Variants in CYP3A7 observed in about 807,000 individuals in gnomAD.
The protein encoded by CYP3A7 is cytochrome P450 3A7.
In CYP3A7, 45 loss-of-function variants were observed where a neutral mutation model predicts 55.2. The observed-to-expected ratio is 0.82, with a 90% CI of 0.64 to 1.05. The LOEUF (loss-of-function observed/expected upper bound fraction) is 1.05. Among genes scored for constraint, CYP3A7 ranks in the 50% least tolerant of loss-of-function variants. CYP3A7 has a pLI of 0.00. For synonymous variants in CYP3A7, 180 were observed against 207.4 expected (o/e 0.87, Z 1.13); for missense variants, 548 against 605.3 (o/e 0.91, Z 0.99).
chr7:99,725,249 C>T (rs753162854), intron 2 of CYP3A7, among the ~76,000 whole-genome samples: 5 of 152,168 alleles, frequency 3.3e-5, no homozygotes, highest in Non-Finnish European at 4.4e-5. Flanking sequence ...GCCAGAAGGC[C>T]GCCTTATCCT....
chr7:99,705,432 T>C lies in CYP3A7; in HGVS notation c.*68A>G. On this transcript the variant is annotated 3_prime_UTR_variant, in exon 13 of 13. Coordinates refer to ENST00000336374, the MANE Select transcript of CYP3A7 (RefSeq NM_000765.5). Reference sequence around the variant, plus strand: ...TCATTTCAGGGTTCTATTTGTAAAGTAATTTGAGGTCTCTGGTGTTCTGGG... The same window carrying C: ...TCATTTCAGGGTTCTATTTGTAAAGCAATTTGAGGTCTCTGGTGTTCTGGG... 1.3e-6 allele frequency: 2 copies of C among 1,541,100 alleles called. No individual in the cohort carries two copies. The highest frequency in any genetic ancestry group is 1.8e-6 in the Non-Finnish European group (2 of 1,116,234).
chr7:99,720,411 T>C lies in CYP3A7; in HGVS notation c.220A>G (p.Ile74Val), dbSNP rs770776041. The change falls in exon 4 of 13, where the codon ATT becomes GTT. Residue 74 changes from isoleucine to valine, a missense_variant and splice_region_variant. By Grantham distance (29) the Ile-to-Val change is conservative (BLOSUM62 3). Coordinates refer to ENST00000336374, the MANE Select transcript of CYP3A7 (RefSeq NM_000765.5). ...CYKKYRKVWG[I>V]YDCQQPMLAI... Reference sequence around the variant, plus strand: ...AGCATAGGCTGTTGACAGTCATAAATACTGTGTGGAGAAAACAGAGTTGAT... The same window carrying C: ...AGCATAGGCTGTTGACAGTCATAAACACTGTGTGGAGAAAACAGAGTTGAT... 6.2e-7 allele frequency: 1 copy of C among 1,613,558 alleles called. No homozygotes were observed. Among genetic ancestry groups the C allele is most frequent in the African/African-American group, 1.3e-5 (1 of 75,022 alleles).
In CYP3A7 at chr7:99,707,989, G is replaced by A; in HGVS notation, c.1254-15C>T. 1.2e-6 allele frequency: 2 copies of A among 1,613,574 alleles called. No individual in the cohort carries two copies. The highest frequency in any genetic ancestry group is 1.7e-6 in the Non-Finnish European group (2 of 1,179,680). On this transcript the variant is annotated splice_polypyrimidine_tract_variant and intron_variant, in intron 11 of 12. Coordinates refer to ENST00000336374, the MANE Select transcript of CYP3A7 (RefSeq NM_000765.5). Reference sequence around the variant, plus strand: ...TTTTACTGAACCTGGTTCCATATTGGTAGATATTTTAAAAGTTAAAGACAT... The same window carrying A: ...TTTTACTGAACCTGGTTCCATATTGATAGATATTTTAAAAGTTAAAGACAT...
intron 2 of CYP3A7, among the ~76,000 whole-genome samples, chr7:99,729,349 A>G (rs1158028370): frequency 6.6e-6 from 1 of 152,138 alleles, no homozygotes; most frequent in Non-Finnish European, 1.5e-5. Context: ...ACTCATTATA[A>G]AATTTTCTTT....
At chr7:99,717,711 A>G (rs544665600) in intron 4 of CYP3A7, 72 bp from the exon 5 acceptor site, 44 of 1,553,158 alleles carry the variant, frequency 2.8e-5, no homozygotes, top group Middle Eastern at 3.4e-4. Context: ...AAAATGTGTT[A>G]AACAGGCATC....
chr7:99,734,037 T>C (rs1433977592), intron 1 of CYP3A7, among the ~76,000 whole-genome samples: 1 of 152,200 alleles, frequency 6.6e-6, no homozygotes. Flanking sequence ...CCCTCTTTTA[T>C]CACTCAGAAG....
chr7:99,713,600 G>A, intron 8 of CYP3A7, 65 bp from the exon 9 acceptor site: 1 of 1,608,920 alleles, frequency 6.2e-7, no homozygotes. Context: ...TTAATCAGAA[G>A]TGCAGTCCTC....
At chr7:99,725,314 A>C (rs1814368461) in intron 2 of CYP3A7, among the ~76,000 whole-genome samples, 1 of 152,136 alleles carries the variant, frequency 6.6e-6, no homozygotes. Context: ...ATCTCCAAAA[A>C]TTGGATTCCA....
intron 3 of CYP3A7, chr7:99,720,697 A>T (rs1814165092): frequency 2.8e-6 from 1 of 359,142 alleles, no homozygotes; most frequent in Non-Finnish European, 5.2e-6. Flanking sequence ...ACAGGAGAGC[A>T]TTTGTTAAGC....
At chr7:99,705,834 G>A (rs1813500680) in intron 12 of CYP3A7, among the ~76,000 whole-genome samples, 1 of 152,102 alleles carries the variant, frequency 6.6e-6, no homozygotes, top group Admixed American at 6.5e-5. Context: ...TTCTGTGTGA[G>A]GTTTGACCTG....
At chr7:99,711,287 C>T (rs1813739356) in intron 9 of CYP3A7, among the ~76,000 whole-genome samples, 1 of 152,142 alleles carries the variant, frequency 6.6e-6, no homozygotes, top group Non-Finnish European at 1.5e-5. Flanking sequence ...AAATGTAATT[C>T]ATTTTAGCTA....
chr7:99,717,361 G>T, intron 5 of CYP3A7, 96 bp from the exon 6 acceptor site: 2 of 1,604,418 alleles, frequency 1.2e-6, no homozygotes, highest in Admixed American at 1.7e-5. Context: ...AAGTGACATT[G>T]TATAATGAAT....
At chr7:99,720,043 C>T (rs953950491) in intron 4 of CYP3A7, among the ~76,000 whole-genome samples, 1 of 151,954 alleles carries the variant, frequency 6.6e-6, no homozygotes, top group Non-Finnish European at 1.5e-5. Context: ...AAAAAACTAC[C>T]CACACAAATG....
intron 9 of CYP3A7, 31 bp downstream of exon 9, chr7:99,713,438 C>G: frequency 6.2e-7 from 1 of 1,612,748 alleles, no homozygotes; most frequent in Non-Finnish European, 8.5e-7. Context: ...GAGTGCCCCA[C>G]CAGTAGCCCT....
At chr7:99,722,167 C>T in intron 3 of CYP3A7, 129 bp downstream of exon 3, 6 of 1,147,202 alleles carry the variant, frequency 5.2e-6, no homozygotes, top group South Asian at 4.0e-5. Context: ...TTCAGAAAAC[C>T]TCTCTGTTTG....
chr7:99,730,287 C>A (rs2151533809), intron 2 of CYP3A7, among the ~76,000 whole-genome samples: 1 of 152,262 alleles, frequency 6.6e-6, no homozygotes, highest in African/African-American at 2.4e-5. Flanking sequence ...TGTGATTCTG[C>A]CTTTGTGTAA....
At chr7:99,722,265 T>C (rs1377426375) in intron 3 of CYP3A7, 31 bp downstream of exon 3, 1 of 1,613,294 alleles carries the variant, frequency 6.2e-7, no homozygotes, top group Admixed American at 1.7e-5. Flanking sequence ...TAGAAACAAG[T>C]CTATCCAATG....
At chr7:99,730,908 A>T in intron 2 of CYP3A7, 151 bp downstream of exon 2, 4 of 1,024,032 alleles carry the variant, frequency 3.9e-6, no homozygotes, top group Non-Finnish European at 4.2e-6. Context: ...GCCCCAGGGT[A>T]AACTTTGCCA....
In CYP3A7 at chr7:99,705,441, G is replaced by T. The variant is rs1563016783; in HGVS notation, c.*59C>A. Reference sequence around the variant, plus strand: ...GGTTCTATTTGTAAAGTAATTTGAGGTCTCTGGTGTTCTGGGGCACAGCTT... The same window carrying T: ...GGTTCTATTTGTAAAGTAATTTGAGTTCTCTGGTGTTCTGGGGCACAGCTT... On this transcript the variant is annotated 3_prime_UTR_variant, in exon 13 of 13. Coordinates refer to ENST00000336374, the MANE Select transcript of CYP3A7 (RefSeq NM_000765.5). 6.4e-7 allele frequency: 1 copy of T among 1,563,814 alleles called. No homozygotes were observed. The highest frequency in any genetic ancestry group is 8.8e-7 in the Non-Finnish European group (1 of 1,136,086).
Sources: gnomAD v4.1 joint callset for allele counts (sites outside exome capture counted in the v4.1 genomes callset) on GRCh38, gnomAD v4.1.1 for gene constraint, MANE v1.5 for transcripts, NCBI Gene and HGNC (gene_info 2026-07-23, HGNC 2026-07-21) for gene names.